GREM2: variants seen among roughly 807,000 people sequenced by gnomAD.
GREM2 encodes the protein gremlin-2.
A neutral mutation model predicts 14.2 loss-of-function variants in GREM2; 11 were observed. The observed-to-expected ratio is 0.78, with a 90% CI of 0.49 to 1.28. GREM2 has a LOEUF of 1.28. GREM2 is among the 50% of genes most tolerant of loss of function. GREM2 has a pLI of 0.00. For synonymous variants in GREM2, 98 were observed against 97.6 expected (o/e 1.00, Z -0.02); for missense variants, 210 against 218.5 (o/e 0.96, Z 0.24).
At chr1:240,503,914 C>T (rs550467691) in intron 1 of GREM2, among the ~76,000 whole-genome samples, 10 of 152,214 alleles carry the variant, frequency 6.6e-5, no homozygotes, top group African/African-American at 2.2e-4. Flanking sequence ...TCTTTGTTTC[C>T]ACAGTCACTT....
At position 240,542,081 on chromosome 1, in the gene GREM2, T is replaced by C. The variant is rs1678602004; in HGVS notation, c.-1-48605A>G. Reference sequence around the variant, plus strand: ...GAGGCATTTTTGGTCATCACCACTATGACGGCTGCTACTGAAATCTAGAAG... The same window carrying C: ...GAGGCATTTTTGGTCATCACCACTACGACGGCTGCTACTGAAATCTAGAAG... On this transcript the variant is annotated intron_variant, in intron 1 of 1. Transcript: ENST00000318160. The surrounding 1 kb of genome is among the most constrained non-coding windows in gnomAD (Gnocchi z 4.1). Among the ~76,000 whole-genome samples, 1 of 152,126 alleles carries C rather than the reference T, an allele frequency of 6.6e-6. No homozygotes were observed.
intron 1 of GREM2, among the ~76,000 whole-genome samples, chr1:240,515,597 T>C (rs994927748): frequency 6.6e-6 from 1 of 152,208 alleles, no homozygotes; most frequent in African/African-American, 2.4e-5. Context: ...TTGGAATTTA[T>C]GAGTAAAACA....
intron 1 of GREM2, among the ~76,000 whole-genome samples, chr1:240,528,085 C>T (rs116203387): frequency 0.021 from 3,150 of 152,286 alleles, 105 homozygotes; most frequent in African/African-American, 0.072. Context: ...ACTGTGCTGA[C>T]ATCTTGACAC....
chr1:240,575,791 G>T (rs983515694), intron 1 of GREM2, among the ~76,000 whole-genome samples: 3 of 151,864 alleles, frequency 2.0e-5, no homozygotes, highest in African/African-American at 7.3e-5. Context: ...AAAGTGCTGG[G>T]ATTACAGGCG....
intron 1 of GREM2, among the ~76,000 whole-genome samples, chr1:240,499,933 C>A (rs1398442579): frequency 6.6e-6 from 1 of 152,190 alleles, no homozygotes; most frequent in Non-Finnish European, 1.5e-5. Context: ...AAACACTTTG[C>A]TAAGTCCTGC....
chr1:240,524,382 A>G (rs1410684536), intron 1 of GREM2, among the ~76,000 whole-genome samples: 3 of 152,210 alleles, frequency 2.0e-5, no homozygotes, highest in South Asian at 4.1e-4. Flanking sequence ...ATTTTTTTAA[A>G]TCTAGTTCAT....
chr1:240,547,042 G>A (rs898313703), intron 1 of GREM2, among the ~76,000 whole-genome samples: 4 of 152,122 alleles, frequency 2.6e-5, no homozygotes, highest in South Asian at 2.1e-4. Flanking sequence ...GGGATGTGGT[G>A]CCTGGCCTGG....
rs188066866 is a variant in GREM2, at chr1:240,596,385, T to A, written c.-2+15499A>T. ...ATGGACCAAAGGTCATTCATTGGTG[T>A]ATGCAATCACCCTATAAAACAAGGT... On this transcript the variant is annotated intron_variant, in intron 1 of 1. Coordinates refer to ENST00000318160, the MANE Select transcript of GREM2 (RefSeq NM_022469.4). 2.7e-3 allele frequency among the ~76,000 whole-genome samples: 409 copies of A among 152,316 alleles called. 3 individuals carry two copies. Among genetic ancestry groups the A allele is most frequent in the African/African-American group, 9.5e-3 (397 of 41,582 alleles).
intron 1 of GREM2, among the ~76,000 whole-genome samples, chr1:240,571,860 T>C (rs1175729189): frequency 6.6e-6 from 1 of 152,176 alleles, no homozygotes; most frequent in East Asian, 1.9e-4. Context: ...AATTTGAAAC[T>C]GCTGATTTTG....
intron 1 of GREM2, among the ~76,000 whole-genome samples, chr1:240,595,693 G>A (rs568451303): frequency 1.3e-5 from 2 of 152,262 alleles, no homozygotes; most frequent in East Asian, 3.9e-4. Context: ...GTCAGGCCGA[G>A]TTGGGTCTGA....
At chr1:240,594,117 C>T (rs973355462) in intron 1 of GREM2, among the ~76,000 whole-genome samples, 1 of 151,962 alleles carries the variant, frequency 6.6e-6, no homozygotes, top group Non-Finnish European at 1.5e-5. Context: ...CTACATCCTG[C>T]TAATTTTTTG....
intron 1 of GREM2, among the ~76,000 whole-genome samples, chr1:240,499,940 C>T (rs953057619): frequency 6.6e-6 from 1 of 152,194 alleles, no homozygotes; most frequent in Non-Finnish European, 1.5e-5. Flanking sequence ...TTGCTAAGTC[C>T]TGCTCCAAAC....
intron 1 of GREM2, among the ~76,000 whole-genome samples, chr1:240,562,708 CGTGTGT>C (rs10643403): frequency 2.4e-3 from 358 of 150,510 alleles, no homozygotes; most frequent in African/African-American, 8.0e-3. Context: ...ACAGGATTGC[CGTGTGT>C]GTGTGTGTGT....
intron 1 of GREM2, among the ~76,000 whole-genome samples, chr1:240,500,634 CT>C: frequency 6.6e-6 from 1 of 152,240 alleles, no homozygotes; most frequent in African/African-American, 2.4e-5. Flanking sequence ...ATATCACACT[CT>C]TTTGCAACTT....
At chr1:240,494,028 G>A (rs1394813864) in intron 1 of GREM2, among the ~76,000 whole-genome samples, 1 of 152,254 alleles carries the variant, frequency 6.6e-6, no homozygotes, top group Admixed American at 6.5e-5. Context: ...TAGAAAACAC[G>A]CGTGTTGAAC....
intron 1 of GREM2, among the ~76,000 whole-genome samples, chr1:240,532,006 A>G (rs1678373744): frequency 6.6e-6 from 1 of 152,056 alleles, no homozygotes; most frequent in Admixed American, 6.5e-5. Flanking sequence ...AAGCTCTTTG[A>G]CCTAGAACTT....
At chr1:240,555,486 C>T (rs1385194937) in intron 1 of GREM2, among the ~76,000 whole-genome samples, 1 of 152,074 alleles carries the variant, frequency 6.6e-6, no homozygotes, top group African/African-American at 2.4e-5. Flanking sequence ...GTAAATAATT[C>T]AAATATTTGT....
At chr1:240,581,110 C>G (rs1227602797) in intron 1 of GREM2, among the ~76,000 whole-genome samples, 1 of 151,768 alleles carries the variant, frequency 6.6e-6, no homozygotes, top group Non-Finnish European at 1.5e-5. Context: ...ATTAGCCAGG[C>G]GTAGTGGTGC....
intron 1 of GREM2, among the ~76,000 whole-genome samples, chr1:240,546,084 C>T (rs944678670): frequency 5.3e-5 from 8 of 152,090 alleles, no homozygotes; most frequent in African/African-American, 1.7e-4. Flanking sequence ...CCTGTAATCC[C>T]AGCACTTTGG....
Sources: gnomAD v4.1 joint callset for allele counts (sites outside exome capture counted in the v4.1 genomes callset) on GRCh38, gnomAD v4.1.1 for gene constraint, Gnocchi (gnomAD v3.1) non-coding constraint, MANE v1.5 for transcripts, NCBI Gene and HGNC (gene_info 2026-07-23, HGNC 2026-07-21) for gene names.